Variants in NR5A2 observed in about 807,000 individuals in gnomAD.
NR5A2 encodes the protein nuclear receptor subfamily 5 group A member 2.
In NR5A2, 26 loss-of-function variants were observed where a neutral mutation model predicts 62.7. The ratio of observed to expected loss-of-function variants is 0.41; its 90% confidence interval spans 0.30 to 0.58. The LOEUF is 0.58. NR5A2 is among the 20% of genes least tolerant of loss of function. The probability of loss-of-function intolerance (pLI) is 0.22; values close to 1 mark genes in which losing one functional copy is unlikely to be tolerated. For missense variants in NR5A2, 541 were observed against 669.1 expected (o/e 0.81, Z 2.11); for synonymous variants, 246 against 241.7 (o/e 1.02, Z -0.16).
chr1:200,174,153 C>T lies in NR5A2; in HGVS notation c.1569C>T (p.Asn523=), dbSNP rs1060060. 485,001 of 1,612,438 alleles carry T rather than the reference C, an allele frequency of 0.3. 74,786 individuals carry two copies. Among genetic ancestry groups the T allele is most frequent in the East Asian group, 0.52 (23,441 of 44,776 alleles). Residue 523 remains asparagine, a synonymous_variant, in exon 8 of 8, where the codon AAC becomes AAT. Coordinates refer to ENST00000367362, the MANE Select transcript of NR5A2 (RefSeq NM_205860.3). ...AATACCTCTACTACAAGCACCTGAA[C>T]GGGGATGTGCCCTATAATAACCTTC... is the stretch of plus-strand genomic sequence containing the variant. The part of the protein sequence containing the change: ...AEEYLYYKHL[N]GDVPYNNLLI...
chr1:200,173,853 A>G (rs1351189655), intron 7 of NR5A2, 110 bp from the exon 8 acceptor site: 2 of 1,131,392 alleles, frequency 1.8e-6, no homozygotes, highest in African/African-American at 3.2e-5. Flanking sequence ...CATGTAAAGT[A>G]TGTTTATGTC....
intron 7 of NR5A2, among the ~76,000 whole-genome samples, chr1:200,139,064 G>C (rs1571542190): frequency 6.6e-6 from 1 of 152,178 alleles, no homozygotes; most frequent in East Asian, 1.9e-4. Context: ...CTTTAGTCAG[G>C]TGTACTCTGA....
chr1:200,035,937 C>T (rs1166762994), intron 1 of NR5A2, among the ~76,000 whole-genome samples: 2 of 152,134 alleles, frequency 1.3e-5, no homozygotes, highest in African/African-American at 4.8e-5. Context: ...CCACAGACTC[C>T]CAGGCCTCCC....
chr1:200,036,356 C>CGGGTCCCCGGCTTCAACAG (rs1436312256), intron 1 of NR5A2, among the ~76,000 whole-genome samples: 1 of 152,150 alleles, frequency 6.6e-6, no homozygotes, highest in African/African-American at 2.4e-5. Flanking sequence ...ACTGAGCTAG[C>CGGGTCCCCGGCTTCAACAG]GGGTCCCCGG....
intron 1 of NR5A2, among the ~76,000 whole-genome samples, chr1:200,034,866 T>A (rs1661704073): frequency 7.8e-6 from 1 of 128,088 alleles, no homozygotes; most frequent in African/African-American, 2.9e-5. Flanking sequence ...AAAGCTTCGA[T>A]CAACACGACG....
intron 5 of NR5A2, among the ~76,000 whole-genome samples, chr1:200,052,789 C>T (rs1558107468): frequency 6.6e-6 from 1 of 151,100 alleles, no homozygotes; most frequent in Non-Finnish European, 1.5e-5. Context: ...CTACAGGTGC[C>T]TGCCACCACG....
chr1:200,128,214 A>G lies in NR5A2; in HGVS notation c.1378+7259A>G, dbSNP rs375779645. On this transcript the variant is annotated intron_variant, in intron 7 of 7. Coordinates refer to ENST00000367362, the MANE Select transcript of NR5A2 (RefSeq NM_205860.3). ...CAAAACATTGGTCCTCCATACAGGC[A>G]GGTTTCGTATCTGTGAATACTGTGT... Among the ~76,000 whole-genome samples, 4 of 152,262 alleles carry G rather than the reference A, an allele frequency of 2.6e-5. No individual in the cohort carries two copies. The East Asian group carries it at 5.8e-4, about 22-fold the overall frequency.
At chr1:200,105,557 A>C (rs1225437719) in intron 5 of NR5A2, among the ~76,000 whole-genome samples, 6 of 152,250 alleles carry the variant, frequency 3.9e-5, no homozygotes, top group Admixed American at 1.3e-4. Context: ...ACAAGACCTG[A>C]CACACCAAAA....
chr1:200,031,009 T>G (rs1661528126), intron 1 of NR5A2, among the ~76,000 whole-genome samples: 1 of 152,222 alleles, frequency 6.6e-6, no homozygotes, highest in Non-Finnish European at 1.5e-5. Context: ...TATGTCACCC[T>G]AACCTCCAGC....
intron 1 of NR5A2, among the ~76,000 whole-genome samples, chr1:200,038,318 A>C (rs1399356422): frequency 6.6e-6 from 1 of 152,260 alleles, no homozygotes; most frequent in Non-Finnish European, 1.5e-5. Flanking sequence ...TCTGTCGCTT[A>C]GATGATCTTG....
At chr1:200,119,991 A>G (rs190294964) in intron 6 of NR5A2, among the ~76,000 whole-genome samples, 1 of 152,134 alleles carries the variant, frequency 6.6e-6, no homozygotes, top group Admixed American at 6.5e-5. Flanking sequence ...TCCTAAATAA[A>G]GTTATTGCTG....
intron 5 of NR5A2, among the ~76,000 whole-genome samples, chr1:200,061,373 G>T (rs565124276): frequency 6.6e-6 from 1 of 150,458 alleles, no homozygotes; most frequent in South Asian, 2.1e-4. Context: ...CTGCCTCCAG[G>T]GTTCAAGCGA....
At chr1:200,171,610 G>A (rs899691555) in intron 7 of NR5A2, among the ~76,000 whole-genome samples, 2 of 152,128 alleles carry the variant, frequency 1.3e-5, no homozygotes, top group Non-Finnish European at 2.9e-5. Context: ...TTAGCTGGGT[G>A]TGGTGACACA....
chr1:200,097,111 A>G (rs1329087395), intron 5 of NR5A2, among the ~76,000 whole-genome samples: 1 of 152,252 alleles, frequency 6.6e-6, no homozygotes, highest in Non-Finnish European at 1.5e-5. Flanking sequence ...GTGCATGCTC[A>G]TGGAAAATGT....
intron 6 of NR5A2, among the ~76,000 whole-genome samples, chr1:200,112,658 A>C (rs1666010681): frequency 6.6e-6 from 1 of 152,226 alleles, no homozygotes; most frequent in Non-Finnish European, 1.5e-5. Context: ...GGTCCTTGCT[A>C]TCTGCACCTC....
intron 5 of NR5A2, among the ~76,000 whole-genome samples, chr1:200,083,884 G>C (rs963807241): frequency 1.3e-5 from 2 of 151,882 alleles, no homozygotes; most frequent in African/African-American, 4.8e-5. Flanking sequence ...AGAATCGCTT[G>C]AACCTGGGAG....
intron 1 of NR5A2, among the ~76,000 whole-genome samples, chr1:200,036,210 G>C (rs1661772971): frequency 6.6e-6 from 1 of 152,204 alleles, no homozygotes; most frequent in African/African-American, 2.4e-5. Flanking sequence ...CCACTTGGCT[G>C]TCTTCATATT....
At chr1:200,111,408 T>G (rs750771983) in intron 6 of NR5A2, 87 bp downstream of exon 6, 1 of 1,422,794 alleles carries the variant, frequency 7.0e-7, no homozygotes, top group South Asian at 1.4e-5. Flanking sequence ...TCAGAAGCAC[T>G]CTTGTGCTTT....
At chr1:200,071,834 C>T (rs1663751816) in intron 5 of NR5A2, among the ~76,000 whole-genome samples, 1 of 151,956 alleles carries the variant, frequency 6.6e-6, no homozygotes, top group Non-Finnish European at 1.5e-5. Context: ...GAGACAGAAC[C>T]AATTATAATA....
Sources: allele counts gnomAD v4.1 joint callset (sites outside exome capture counted in the v4.1 genomes callset), GRCh38; gene constraint gnomAD v4.1.1; transcripts MANE v1.5; gene names NCBI Gene and HGNC (gene_info 2026-07-23, HGNC 2026-07-21).